The following PRORP variants were observed in gnomAD, a reference collection of about 807,000 sequenced individuals.
PRORP encodes the protein protein only RNase P catalytic subunit.
In PRORP, 51 loss-of-function variants were observed where a neutral mutation model predicts 59.4. That is an observed-to-expected ratio of 0.86 (90% CI 0.69 to 1.08). The LOEUF (loss-of-function observed/expected upper bound fraction) is 1.08, where lower values mean the gene tolerates loss of function less well. PRORP is among the 50% of genes least tolerant of loss of function. The probability of loss-of-function intolerance (pLI) is 0.00; values close to 1 mark genes in which losing one functional copy is unlikely to be tolerated. For synonymous variants in PRORP, 231 were observed against 245.6 expected, an observed-to-expected ratio of 0.94 and a Z score of 0.55; for missense variants, 646 against 690.3, an observed-to-expected ratio of 0.94 and a Z score of 0.72.
chr14:35,169,574 G>T (rs1406840704), intron 4 of PRORP, among the ~76,000 whole-genome samples: 2 of 152,168 alleles, frequency 1.3e-5, no homozygotes, highest in Admixed American at 6.5e-5. Flanking sequence ...GTATGTGAGA[G>T]CACAGGAAAA....
chr14:35,157,471 C>T (rs2047944763), intron 4 of PRORP, among the ~76,000 whole-genome samples: 1 of 152,198 alleles, frequency 6.6e-6, no homozygotes, highest in Non-Finnish European at 1.5e-5. Flanking sequence ...ATCCAAACCA[C>T]AGCATTCATT....
chr14:35,146,607 A>G (rs1263813158), intron 4 of PRORP, among the ~76,000 whole-genome samples: 2 of 152,292 alleles, frequency 1.3e-5, no homozygotes, highest in African/African-American at 4.8e-5. Flanking sequence ...GTAAATGGAA[A>G]ACTTTGTGGG....
At chr14:35,243,337 GC>G (rs1463250888) in intron 5 of PRORP, among the ~76,000 whole-genome samples, 4 of 151,926 alleles carry the variant, frequency 2.6e-5, no homozygotes, top group Non-Finnish European at 4.4e-5. Flanking sequence ...TTTGACACCA[GC>G]CTATGAGCAA....
intron 4 of PRORP, among the ~76,000 whole-genome samples, chr14:35,148,735 G>A (rs375788917): frequency 2.0e-5 from 3 of 151,912 alleles, no homozygotes; most frequent in South Asian, 4.2e-4. Flanking sequence ...TTGTCTCCAC[G>A]GAAAATCTGT....
chr14:35,193,753 C>T (rs1248089720), intron 5 of PRORP, among the ~76,000 whole-genome samples: 1 of 151,336 alleles, frequency 6.6e-6, no homozygotes, highest in African/African-American at 2.4e-5. Flanking sequence ...ATTATGTTTA[C>T]AATAGGAAAT....
intron 5 of PRORP, among the ~76,000 whole-genome samples, chr14:35,256,454 C>T (rs1369973849): frequency 4.0e-5 from 6 of 149,214 alleles, no homozygotes; most frequent in Non-Finnish European, 8.9e-5. Context: ...GCCTCAGCCT[C>T]CTGAGCATCT....
At chr14:35,138,963 G>T (rs7150430) in intron 4 of PRORP, among the ~76,000 whole-genome samples, 1 of 144,628 alleles carries the variant, frequency 6.9e-6, no homozygotes, top group African/African-American at 2.4e-5. Context: ...GCTAATTTTT[G>T]TATTTTTTGT....
chr14:35,179,281 G>A (rs2048536529), intron 4 of PRORP, among the ~76,000 whole-genome samples: 1 of 152,106 alleles, frequency 6.6e-6, no homozygotes, highest in Admixed American at 6.6e-5. Flanking sequence ...AATTTGAATG[G>A]TGGCCTGCCT....
At chr14:35,212,217 T>A (rs1369993100) in intron 5 of PRORP, among the ~76,000 whole-genome samples, 1 of 152,188 alleles carries the variant, frequency 6.6e-6, no homozygotes, top group African/African-American at 2.4e-5. Context: ...CCACTGAATT[T>A]TTTAATCCCA....
At chr14:35,217,747 C>A (rs186135317) in intron 5 of PRORP, among the ~76,000 whole-genome samples, 17 of 152,164 alleles carry the variant, frequency 1.1e-4, no homozygotes, top group Admixed American at 2.0e-4. Context: ...AAAATGAATT[C>A]ACCATAAATG....
intron 4 of PRORP, among the ~76,000 whole-genome samples, chr14:35,166,760 C>T (rs534540453): frequency 6.6e-6 from 1 of 152,152 alleles, no homozygotes; most frequent in South Asian, 2.1e-4. Context: ...CTATCTGAAT[C>T]TTTAAGGCAA....
chr14:35,134,500 G>A (rs930548217), intron 4 of PRORP, among the ~76,000 whole-genome samples: 37 of 152,186 alleles, frequency 2.4e-4, no homozygotes, highest in Non-Finnish European at 7.3e-5. Context: ...TCAGTTAGCA[G>A]GTGATGAATC....
At chr14:35,130,838 C>T (rs1238597256) in intron 4 of PRORP, among the ~76,000 whole-genome samples, 1 of 151,912 alleles carries the variant, frequency 6.6e-6, no homozygotes, top group Non-Finnish European at 1.5e-5. Context: ...CAGGGTCTTA[C>T]TATGCTGCCC....
Position 35,146,594 on chromosome 14 carries a change from G to A in PRORP, c.1167+18983G>A, listed in dbSNP as rs868669437. Among the ~76,000 whole-genome samples the A allele has an allele frequency of 2.0e-5, 3 of 152,170 alleles. No homozygotes were observed. The South Asian group carries it at 6.2e-4, about 32-fold the overall frequency. ...TTCCCCAGATTTAAATAAATGTTGT[G>A]TGGTAAATGGAAAACTTTGTGGGTT... On this transcript the variant is annotated intron_variant, in intron 4 of 7. Transcript: ENST00000534898.
intron 5 of PRORP, among the ~76,000 whole-genome samples, chr14:35,231,922 A>G (rs1170717026): frequency 1.3e-5 from 2 of 152,252 alleles, no homozygotes; most frequent in Non-Finnish European, 2.9e-5. Context: ...GAACTTTATT[A>G]TATACATGCA....
intron 4 of PRORP, among the ~76,000 whole-genome samples, chr14:35,136,842 C>T (rs1365002635): frequency 6.9e-6 from 1 of 145,124 alleles, no homozygotes; most frequent in African/African-American, 2.4e-5. Context: ...GCTCAATTCA[C>T]AACTTGGTGG....
At chr14:35,162,855 C>A (rs2048095496) in intron 4 of PRORP, among the ~76,000 whole-genome samples, 1 of 152,088 alleles carries the variant, frequency 6.6e-6, no homozygotes, top group Non-Finnish European at 1.5e-5. Context: ...AGCTAATTAG[C>A]CAATTGTGTC....
intron 4 of PRORP, among the ~76,000 whole-genome samples, chr14:35,177,058 A>G (rs2048470904): frequency 6.6e-6 from 1 of 152,196 alleles, no homozygotes; most frequent in Non-Finnish European, 1.5e-5. Context: ...TGATTTGCGT[A>G]TGTTGAACCA....
At chr14:35,255,425 C>T (rs931015350) in intron 5 of PRORP, among the ~76,000 whole-genome samples, 3 of 152,176 alleles carry the variant, frequency 2.0e-5, no homozygotes, top group South Asian at 2.1e-4. Flanking sequence ...CCACCACACC[C>T]GGCTGGAATA....
Sources: allele counts gnomAD v4.1 joint callset (sites outside exome capture counted in the v4.1 genomes callset), GRCh38; gene constraint gnomAD v4.1.1; transcripts MANE v1.5; gene names NCBI Gene and HGNC (gene_info 2026-07-23, HGNC 2026-07-21).